HSPA12A: variants seen among roughly 807,000 people sequenced by gnomAD.
HSPA12A encodes the protein heat shock protein family A (Hsp70) member 12A, also known as heat shock 70 kDa protein 12A.
Under a neutral mutation model 69.2 loss-of-function variants are expected in HSPA12A, and 28 were observed. The observed-to-expected ratio is 0.40, with a 90% CI of 0.30 to 0.55. The LOEUF (loss-of-function observed/expected upper bound fraction) is 0.55. HSPA12A is among the 20% of genes least tolerant of loss of function. HSPA12A has a pLI of 0.38. For synonymous variants in HSPA12A, 345 were observed against 370.5 expected, an observed-to-expected ratio of 0.93 and a Z score of 0.79; for missense variants, 686 against 900.7, an observed-to-expected ratio of 0.76 and a Z score of 3.05.
chr10:116,728,270 G>A (rs1851039449), intron 1 of HSPA12A, among the ~76,000 whole-genome samples: 2 of 151,868 alleles, frequency 1.3e-5, no homozygotes, highest in Admixed American at 6.6e-5. Flanking sequence ...ATTTAAGGTA[G>A]GCTAGGCATG....
At chr10:116,805,321 A>C (rs1845046147) in intron 2 of HSPA12A, among the ~76,000 whole-genome samples, 1 of 152,196 alleles carries the variant, frequency 6.6e-6, no homozygotes. Context: ...ATCGCAAAAA[A>C]ACAAAAACTG....
At chr10:116,747,113 T>G (rs1851665944), upstream of HSPA12A, among the ~76,000 whole-genome samples, 1 of 152,246 alleles carries the variant, frequency 6.6e-6, no homozygotes, top group South Asian at 2.1e-4. Context: ...GTGGCCAGTG[T>G]ATACATCCTC....
intron 2 of HSPA12A, among the ~76,000 whole-genome samples, chr10:116,812,789 A>G (rs1215296160): frequency 1.3e-5 from 2 of 152,184 alleles, no homozygotes; most frequent in African/African-American, 2.4e-5. Flanking sequence ...CGAAGGACCC[A>G]GGCCAGGGTC....
At chr10:116,778,479 A>G (rs58387263) in intron 2 of HSPA12A, among the ~76,000 whole-genome samples, 3,237 of 152,264 alleles carry the variant, frequency 0.021, 70 homozygotes, top group East Asian at 0.12. Flanking sequence ...TCCCTCCCTC[A>G]GAGAGAACCA....
intron 2 of HSPA12A, among the ~76,000 whole-genome samples, chr10:116,819,098 C>G (rs894950546): frequency 6.6e-6 from 1 of 152,210 alleles, no homozygotes; most frequent in Non-Finnish European, 1.5e-5. Flanking sequence ...CTCTTCTTCA[C>G]AAGCAGCACC....
chr10:116,716,922 T>G (rs900273744), intron 1 of HSPA12A, among the ~76,000 whole-genome samples: 2 of 152,172 alleles, frequency 1.3e-5, no homozygotes, highest in Non-Finnish European at 2.9e-5. Flanking sequence ...GGGTCAGATA[T>G]TCATGCGTTT....
chr10:116,816,277 G>C (rs551289076), intron 2 of HSPA12A, among the ~76,000 whole-genome samples: 33 of 152,350 alleles, frequency 2.2e-4, no homozygotes, highest in African/African-American at 7.5e-4. Flanking sequence ...ACAGACGAGT[G>C]ACTATATAAA....
intron 2 of HSPA12A, among the ~76,000 whole-genome samples, chr10:116,793,677 C>T (rs1028418184): frequency 6.6e-6 from 1 of 152,060 alleles, no homozygotes; most frequent in Non-Finnish European, 1.5e-5. Flanking sequence ...TTCTGAGATC[C>T]TTGTACTATA....
intron 2 of HSPA12A, among the ~76,000 whole-genome samples, chr10:116,798,892 T>C (rs1238086476): frequency 6.6e-6 from 1 of 152,012 alleles, no homozygotes; most frequent in African/African-American, 2.4e-5. Context: ...CTTGAACCAA[T>C]GGTCATTTTC....
chr10:116,833,204 C>A (rs776550573), intron 2 of HSPA12A: 1 of 152,206 alleles, frequency 6.6e-6, no homozygotes, highest in Non-Finnish European at 1.5e-5. Flanking sequence ...CGTCTGTTCA[C>A]GTGCGTTTGT....
chr10:116,705,581 A>C (rs1196570637), intron 2 of HSPA12A, among the ~76,000 whole-genome samples: 1 of 152,228 alleles, frequency 6.6e-6, no homozygotes, highest in Non-Finnish European at 1.5e-5. Context: ...AAATTCTATC[A>C]TCAGGGCTGG....
chr10:116,698,586 G>A (rs1420240173), intron 5 of HSPA12A, 49 bp downstream of exon 5: 5 of 1,460,636 alleles, frequency 3.4e-6, no homozygotes, highest in Non-Finnish European at 3.8e-6. Context: ...AGCTGGCACG[G>A]GTGCCACCGC....
chr10:116,834,202 C>T (rs928035875), intron 2 of HSPA12A, among the ~76,000 whole-genome samples: 2 of 152,196 alleles, frequency 1.3e-5, no homozygotes, highest in African/African-American at 2.4e-5. Flanking sequence ...GGCTTGTCAC[C>T]GGTTGCACTG....
chr10:116,687,667 C>A (rs966046122), intron 6 of HSPA12A, among the ~76,000 whole-genome samples: 2 of 152,220 alleles, frequency 1.3e-5, no homozygotes, highest in Non-Finnish European at 1.5e-5. Flanking sequence ...TTGCAGCCAC[C>A]CTCAACAGAA....
At chr10:116,784,927 T>C (rs946248197) in intron 2 of HSPA12A, among the ~76,000 whole-genome samples, 3 of 152,202 alleles carry the variant, frequency 2.0e-5, no homozygotes, top group Non-Finnish European at 2.9e-5. Flanking sequence ...GGGAGGCAGC[T>C]GCTCCTAGGC....
Position 116,730,265 on chromosome 10 carries a change from A to C in HSPA12A, c.40+12165T>G, listed in dbSNP as rs185133831. ...ACAAATTCTTTATATACATGACCTC[A>C]TCTAATTCTCAGAACCAACCCGTGA... is the stretch of plus-strand genomic sequence containing the variant. On this transcript the variant is annotated intron_variant, in intron 1 of 11. Transcript: ENST00000369209. Among the ~76,000 whole-genome samples the C allele has an allele frequency of 1.6e-3, 243 of 152,310 alleles. 1 individual carries two copies. The highest frequency in any genetic ancestry group is 5.5e-3 in the African/African-American group (229 of 41,576).
chr10:116,779,216 T>A (rs1168330673), intron 2 of HSPA12A, among the ~76,000 whole-genome samples: 1 of 151,930 alleles, frequency 6.6e-6, no homozygotes, highest in East Asian at 1.9e-4. Flanking sequence ...GACATGTGGG[T>A]GTAATGAGTC....
chr10:116,691,955 T>C (rs1375436712), intron 6 of HSPA12A, among the ~76,000 whole-genome samples: 1 of 152,262 alleles, frequency 6.6e-6, no homozygotes, highest in Non-Finnish European at 1.5e-5. Context: ...TGGCCTTGGC[T>C]TGCTTGCTTT....
chr10:116,834,881 G>T (rs1681720), intron 2 of HSPA12A: 1 of 972,302 alleles, frequency 1.0e-6, no homozygotes, highest in South Asian at 5.3e-5. Flanking sequence ...GAGGTTCTGG[G>T]GCAGTTATTT....
Sources: gnomAD v4.1 joint callset for allele counts (sites outside exome capture counted in the v4.1 genomes callset) on GRCh38, gnomAD v4.1.1 for gene constraint, MANE v1.5 for transcripts, NCBI Gene and HGNC (gene_info 2026-07-23, HGNC 2026-07-21) for gene names.